JAK1: variants seen among roughly 807,000 people sequenced by gnomAD.
JAK1 encodes Janus kinase 1.
JAK1 carries 16 observed loss-of-function variants against 136.6 expected under a neutral mutation model. The ratio of observed to expected loss-of-function variants is 0.12; its 90% CI spans 0.08 to 0.18. The LOEUF (loss-of-function observed/expected upper bound fraction) is 0.18, where lower values mean the gene tolerates loss of function less well. JAK1 is among the 10% of genes least tolerant of loss of function. JAK1 has a pLI of 1.00. For missense variants in JAK1, 859 were observed against 1,450.1 expected, an observed-to-expected ratio of 0.59 and a Z score of 6.62; for synonymous variants, 492 against 519.5, an observed-to-expected ratio of 0.95 and a Z score of 0.72.
intron 1 of JAK1, among the ~76,000 whole-genome samples, chr1:64,955,120 A>AT (rs1371389021): frequency 1.3e-5 from 2 of 152,214 alleles, no homozygotes; most frequent in Non-Finnish European, 2.9e-5. Context: ...ATTTTGTACA[A>AT]TTTGAGCAAG....
chr1:65,056,386 T>C (rs1030380538), intron 1 of JAK1, among the ~76,000 whole-genome samples: 2 of 152,056 alleles, frequency 1.3e-5, no homozygotes, highest in Non-Finnish European at 2.9e-5. Context: ...CCTCTTTGGG[T>C]AGAGCAGAGG....
intron 9 of JAK1, among the ~76,000 whole-genome samples, chr1:64,858,273 TC>T (rs141639817): frequency 1.2e-3 from 182 of 152,272 alleles, no homozygotes; most frequent in Non-Finnish European, 2.3e-3. Context: ...GTCTTACATT[TC>T]TTTGTATCCC....
At position 65,018,667 on chromosome 1, in the gene JAK1, T is replaced by C. The variant is rs143178855; in HGVS notation, c.-78+25813A>G. Among the ~76,000 whole-genome samples, 1,248 of 152,228 alleles carry C rather than the reference T, an allele frequency of 8.2e-3. 16 individuals carry two copies. The highest frequency in any genetic ancestry group is 0.029 in the African/African-American group (1,196 of 41,542). On this transcript the variant is annotated intron_variant, in intron 2 of 25. Coordinates refer to the JAK1 transcript ENST00000671954. ...ATCGGGGAAAAATCAACAAACCTTA[T>C]AAAGATATTTTAAAAACATGAACAT...
chr1:65,066,724 G>A (rs900898346), intron 1 of JAK1: 3 of 152,096 alleles, frequency 2.0e-5, no homozygotes, highest in African/African-American at 7.3e-5. Context: ...CGGGGACTCC[G>A]GTCTTCCTCT....
chr1:64,868,131 G>GT (rs1209278326), intron 6 of JAK1, among the ~76,000 whole-genome samples: 2 of 152,138 alleles, frequency 1.3e-5, no homozygotes, highest in Non-Finnish European at 2.9e-5. Flanking sequence ...AGATCAACAG[G>GT]TAAGCTGAAA....
intron 22 of JAK1, 35 bp downstream of exon 22, chr1:64,837,897 A>C (rs747474966): frequency 6.3e-7 from 1 of 1,574,986 alleles, no homozygotes; most frequent in Non-Finnish European, 8.7e-7. Flanking sequence ...AACTCTATGA[A>C]GCATTGATAA....
chr1:64,834,575 G>T lies in JAK1; in HGVS notation c.3452C>A (p.Ala1151Glu), dbSNP rs1049869622. The T allele has an allele frequency of 1.2e-6, 2 of 1,601,576 alleles. No homozygotes were observed. The highest frequency in any genetic ancestry group is 2.7e-5 in the African/African-American group (2 of 74,686). ...TATTCATGCTTCTTATTTTAAAAGT[G>T]CTTCAAATCCTTCAATAAGGTTCTG... ...SFQNLIEGFE[A>E]LLK Residue 1151 changes from alanine (A) to glutamate (E), a missense_variant, in exon 25 of 25, where the codon GCA (alanine) becomes GAA (glutamate). This residue lies in a region of JAK1 where 53 missense variants were observed against 64.8 expected (regional missense o/e 0.82). Transcript: ENST00000342505.
At chr1:65,010,472 C>T (rs989915060) in intron 2 of JAK1, among the ~76,000 whole-genome samples, 10 of 152,192 alleles carry the variant, frequency 6.6e-5, no homozygotes, top group African/African-American at 1.9e-4. Context: ...CTAATAGCCA[C>T]GTGGGTGAGC....
At chr1:64,958,699 T>C (rs946021082) in intron 1 of JAK1, among the ~76,000 whole-genome samples, 1 of 152,230 alleles carries the variant, frequency 6.6e-6, no homozygotes, top group African/African-American at 2.4e-5. Context: ...TTTCTCTTAG[T>C]ACAATATAAA....
intron 1 of JAK1, among the ~76,000 whole-genome samples, chr1:65,061,672 T>C (rs964295514): frequency 2.0e-5 from 3 of 152,230 alleles, no homozygotes; most frequent in Non-Finnish European, 4.4e-5. Context: ...ATGGCCAAAT[T>C]TGACCACACT....
In JAK1 at chr1:64,973,521, C is replaced by T. The variant is rs1646471879; in HGVS notation, c.-78+70959G>A. ...GATTTCAATGGATGTTCTGAAGTGTCAAAATTGCTTTTTTTAAAATCAAAC... is the reference window on the plus strand; with the variant it reads ...GATTTCAATGGATGTTCTGAAGTGTTAAAATTGCTTTTTTTAAAATCAAAC... On this transcript the variant is annotated intron_variant, in intron 2 of 25. Coordinates refer to the JAK1 transcript ENST00000671954. 4.4e-5 allele frequency: 6 copies of T among 136,544 alleles called. No homozygotes were observed. The South Asian group carries it at 1.4e-3, about 32-fold the overall frequency. The allele number at this position is 136,544 out of a possible 1,614,324, so 8.5% of individuals were successfully genotyped here.
rs367647548 is a variant in JAK1 at position 64,854,887 on chromosome 1, C to T, written c.1648+622G>A. On this transcript the variant is annotated intron_variant, in intron 11 of 24. Coordinates refer to ENST00000342505, the MANE Select transcript of JAK1 (RefSeq NM_002227.4). ...TTTGCACGTGCCGAGATGCCCTGAC[C>T]GCACTGGCAACCTCCCACTCATCCT... Among the ~76,000 whole-genome samples the T allele has an allele frequency of 6.6e-4, 100 of 152,276 alleles. 1 individual carries two copies. Among genetic ancestry groups the T allele is most frequent in the African/African-American group, 2.3e-3 (95 of 41,558 alleles).
At chr1:64,876,383 CT>C (rs1342910426) in intron 4 of JAK1, 1 of 152,238 alleles carries the variant, frequency 6.6e-6, no homozygotes, top group Admixed American at 6.5e-5. Context: ...GTGGGACCAT[CT>C]TTGTCTTGGA....
At chr1:64,895,875 C>T (rs905850372) in intron 1 of JAK1, among the ~76,000 whole-genome samples, 7 of 152,202 alleles carry the variant, frequency 4.6e-5, no homozygotes, top group Non-Finnish European at 7.3e-5. Context: ...AGGGATGCTT[C>T]GTACAACCAA....
At chr1:64,918,082 T>C (rs770165551) in intron 1 of JAK1, among the ~76,000 whole-genome samples, 9 of 152,132 alleles carry the variant, frequency 5.9e-5, no homozygotes, top group Non-Finnish European at 1.0e-4. Context: ...TGGGGACATA[T>C]ACACTGGTAG....
chr1:64,837,284 C>G (rs1164307688), intron 22 of JAK1, among the ~76,000 whole-genome samples: 1 of 152,148 alleles, frequency 6.6e-6, no homozygotes, highest in Non-Finnish European at 1.5e-5. Flanking sequence ...AGTTTAGGCT[C>G]CATAAGTGGG....
In JAK1 at chr1:64,944,151, G is replaced by A. The variant is rs2100535433; in HGVS notation, c.-78+22182C>T. Among the ~76,000 whole-genome samples, 2 of 151,018 alleles carry A rather than the reference G, an allele frequency of 1.3e-5. 1 individual carries two copies. The highest frequency in any genetic ancestry group is 3.9e-4 in the East Asian group (2 of 5,122). On this transcript the variant is annotated intron_variant, in intron 1 of 24. Coordinates refer to ENST00000342505, the MANE Select transcript of JAK1 (RefSeq NM_002227.4). Reference sequence around the variant, plus strand: ...GCAGGAGAATGGCATGAACCCAGGAGGCGGAGCTTGCAGTGAGCCGAGATC... The same window carrying A: ...GCAGGAGAATGGCATGAACCCAGGAAGCGGAGCTTGCAGTGAGCCGAGATC...
At chr1:64,913,663 G>GGAAGGAAGGAAA (rs1233671544) in intron 1 of JAK1, among the ~76,000 whole-genome samples, 32 of 18,968 alleles carry the variant, frequency 1.7e-3, no homozygotes, top group Non-Finnish European at 3.8e-3. Flanking sequence ...AAAGAAGGAA[G>GGAAGGAAGGAAA]GAAGGAAGGA....
At chr1:64,858,940 G>A (rs1656119845) in intron 9 of JAK1, among the ~76,000 whole-genome samples, 1 of 152,222 alleles carries the variant, frequency 6.6e-6, no homozygotes, top group South Asian at 2.1e-4. Flanking sequence ...TGCAGATTCT[G>A]GAGGAAGGGC....
Sources: gnomAD v4.1 joint callset for allele counts (sites outside exome capture counted in the v4.1 genomes callset) on GRCh38, gnomAD v4.1.1 for gene constraint, gnomAD v4.1.1 regional missense constraint, MANE v1.5 for transcripts, NCBI Gene and HGNC (gene_info 2026-07-23, HGNC 2026-07-21) for gene names.